Variants in DSC1 observed in about 807,000 individuals in gnomAD.
DSC1 encodes desmocollin 1.
In DSC1, 79 loss-of-function variants were observed where a neutral mutation model predicts 98.8. That is an observed-to-expected ratio of 0.80 (90% CI 0.67 to 0.96). DSC1 has a LOEUF of 0.96. Ranked by LOEUF, DSC1 falls within the 50% of genes least tolerant of loss-of-function variation. The pLI, the probability that DSC1 is intolerant of heterozygous loss-of-function variation, is 0.00. For missense variants in DSC1, 1,115 were observed against 1,075.9 expected (o/e 1.04, Z -0.51); for synonymous variants, 405 against 372.1 (o/e 1.09, Z -1.02).
At chr18:31,145,822 A>G in intron 6 of DSC1, 45 bp from the exon 7 acceptor site, 1 of 1,571,670 alleles carries the variant, frequency 6.4e-7, no homozygotes, top group Non-Finnish European at 8.6e-7. Context: ...TACTCATATA[A>G]TTGAATTATA....
Position 31,140,164 on chromosome 18 carries a change from A to G in DSC1, c.1398T>C (p.Asp466=). 2 of 1,614,064 alleles carry G rather than the reference A, an allele frequency of 1.2e-6. No homozygotes were observed. The highest frequency in any genetic ancestry group is 1.7e-6 in the Non-Finnish European group (2 of 1,179,958). Residue 466 remains aspartate, a synonymous_variant, in exon 10 of 16, where the codon GAT becomes GAC. Coordinates refer to ENST00000257198, the MANE Select transcript of DSC1 (RefSeq NM_024421.2). The stretch of plus-strand genomic sequence containing the variant: ...CTGGAGGGTGGCATTCAGGGCCCTC[A>G]TCACTGTCTATAATTTTAACGGTGA... ...TTVTVKIIDS[D]EGPECHPPVK...
intron 1 of DSC1, among the ~76,000 whole-genome samples, chr18:31,160,194 G>A (rs909730149): frequency 1.3e-4 from 19 of 151,834 alleles, no homozygotes; most frequent in Admixed American, 9.2e-4. Context: ...TAAAACCTAG[G>A]TAGTTCAAAG....
chr18:31,154,961 C>G (rs190503950), intron 4 of DSC1, 32 bp from the exon 5 acceptor site: 1 of 1,604,210 alleles, frequency 6.2e-7, no homozygotes, highest in Non-Finnish European at 8.5e-7. Flanking sequence ...AGAACAAATA[C>G]GTCATGATGA....
chr18:31,154,729 C>A, intron 5 of DSC1, 45 bp downstream of exon 5: 3 of 1,442,548 alleles, frequency 2.1e-6, no homozygotes, highest in Middle Eastern at 1.8e-4. Flanking sequence ...ATTAGTAAGC[C>A]AGTAATAAAG....
Position 31,155,614 on chromosome 18 carries a change from G to C in DSC1, c.471+429C>G, listed in dbSNP as rs146678125. 5.3e-3 allele frequency among the ~76,000 whole-genome samples: 812 copies of C among 152,254 alleles called. 6 individuals are homozygous for C. The highest frequency in any genetic ancestry group is 0.018 in the African/African-American group (767 of 41,548). On this transcript the variant is annotated intron_variant, in intron 4 of 15. Coordinates refer to ENST00000257198, the MANE Select transcript of DSC1 (RefSeq NM_024421.2). The stretch of plus-strand genomic sequence containing the variant: ...CACTATACTCCAAAATTTCAAAACT[G>C]TTCTATGTTTGCAATCCAGCTATGT...
chr18:31,130,860 G>A, intron 15 of DSC1, 149 bp from the exon 16 acceptor site: 1 of 1,601,506 alleles, frequency 6.2e-7, no homozygotes, highest in Non-Finnish European at 8.5e-7. Flanking sequence ...AAATGCACAG[G>A]ATTGGTCTGT....
At chr18:31,154,189 T>C (rs1422065086) in intron 5 of DSC1, among the ~76,000 whole-genome samples, 1 of 151,638 alleles carries the variant, frequency 6.6e-6, no homozygotes, top group Non-Finnish European at 1.5e-5. Context: ...TAGAATCAAA[T>C]GAATTGATAA....
rs958148735 is a variant in DSC1 at position 31,159,708 on chromosome 18, G to T, written c.64-179C>A. ...AGCAAAGAGAATAGCTTTAGGAATA[G>T]CACTGTCATTTATTTGTCAATGAAA... is the stretch of plus-strand genomic sequence containing the variant. On this transcript the variant is annotated intron_variant, in intron 1 of 15. Transcript: ENST00000257198. Among the ~76,000 whole-genome samples, 8 of 152,184 alleles carry T rather than the reference G, an allele frequency of 5.3e-5. No homozygotes were observed. In the East Asian group the frequency reaches 1.5e-3, roughly 29 times the overall value.
In DSC1 at chr18:31,131,832, A is replaced by G; in HGVS notation, c.2249T>C (p.Ile750Thr). The change falls in exon 15 of 16, where the codon ATT becomes ACT. Residue 750 changes from isoleucine (I) to threonine (T), a missense_variant. Ile to Thr is a moderately conservative substitution (Grantham distance 89, BLOSUM62 -1). Transcript: ENST00000257198. ...GTTGGATGTCTGCATGGGGAGTCTAATATTTGCTTCCTAAAAGTAAAGTGA... is the reference window on the plus strand; with the variant it reads ...GTTGGATGTCTGCATGGGGAGTCTAGTATTTGCTTCCTAAAAGTAAAGTGA... ...GPGEEVTEAN[I>T]RLPMQTSNIC... 1 of 1,613,906 alleles carries G rather than the reference A, an allele frequency of 6.2e-7. No homozygotes were observed. The highest frequency in any genetic ancestry group is 8.5e-7 in the Non-Finnish European group (1 of 1,179,854).
intron 5 of DSC1, among the ~76,000 whole-genome samples, chr18:31,151,420 CA>C (rs1276981315): frequency 2.0e-5 from 3 of 152,004 alleles, no homozygotes; most frequent in Admixed American, 6.6e-5. Flanking sequence ...GCAACAATTT[CA>C]AAAAACTCAA....
chr18:31,131,284 A>G (rs1415171515), intron 15 of DSC1, among the ~76,000 whole-genome samples: 2 of 152,236 alleles, frequency 1.3e-5, no homozygotes, highest in Admixed American at 6.5e-5. Context: ...TCATTCCTGT[A>G]TAATAAATAT....
chr18:31,136,099 A>T (rs1044608835), intron 11 of DSC1, among the ~76,000 whole-genome samples: 7 of 152,088 alleles, frequency 4.6e-5, no homozygotes, highest in Admixed American at 2.0e-4. Context: ...GAACAAATTT[A>T]AAAATATCCA....
chr18:31,158,440 G>A (rs537035933), intron 2 of DSC1, among the ~76,000 whole-genome samples: 20 of 152,260 alleles, frequency 1.3e-4, no homozygotes, highest in African/African-American at 4.8e-4. Flanking sequence ...TATTTACTAT[G>A]TGTCTTTAGA....
intron 5 of DSC1, among the ~76,000 whole-genome samples, chr18:31,150,314 AC>A (rs1988955755): frequency 3.1e-5 from 2 of 65,506 alleles, no homozygotes; most frequent in African/African-American, 5.2e-5. Flanking sequence ...CACCACCACT[AC>A]TACCATCATC....
intron 5 of DSC1, chr18:31,150,959 C>T (rs554766423): frequency 6.6e-6 from 1 of 152,234 alleles, no homozygotes; most frequent in East Asian, 1.9e-4. Context: ...CAAACTACGC[C>T]TTCAGTTATC....
At chr18:31,149,141 C>T (rs12608327) in intron 5 of DSC1, among the ~76,000 whole-genome samples, 35,635 of 152,034 alleles carry the variant, frequency 0.23, 4,694 homozygotes, top group East Asian at 0.56. Flanking sequence ...CATATACATA[C>T]CAGAAATTCC....
At chr18:31,151,637 T>C (rs1320473945) in intron 5 of DSC1, among the ~76,000 whole-genome samples, 1 of 152,184 alleles carries the variant, frequency 6.6e-6, no homozygotes, top group African/African-American at 2.4e-5. Flanking sequence ...ATCTCATCTC[T>C]TTTAGCCCTT....
intron 3 of DSC1, among the ~76,000 whole-genome samples, chr18:31,156,820 C>T (rs1989106974): frequency 6.6e-6 from 1 of 152,162 alleles, no homozygotes; most frequent in Non-Finnish European, 1.5e-5. Flanking sequence ...CTGATCTCTA[C>T]CGCTCAGTGC....
At position 31,132,627 on chromosome 18, in the gene DSC1, CT is replaced by C; in HGVS notation, c.2178del (p.Asp727ThrfsTer2). On this transcript the variant is annotated frameshift_variant, in exon 14 of 16. Coordinates refer to ENST00000257198, the MANE Select transcript of DSC1 (RefSeq NM_024421.2). LOFTEE classifies it high-confidence loss of function. Reference sequence around the variant, plus strand: ...ACAATTAAATTTTGCTGGGCTATGTCTTCTGGAAAACATTTCTTGACTGTTC... The same window carrying C: ...ACAATTAAATTTTGCTGGGCTATGTCTCTGGAAAACATTTCTTGACTGTTC... ...AKRTVKKCFP[E>X]DIAQQNLIVS... 1 of 1,613,536 alleles carries C rather than the reference CT, an allele frequency of 6.2e-7. No homozygotes were observed. The highest frequency in any genetic ancestry group is 8.5e-7 in the Non-Finnish European group (1 of 1,179,680).
Sources: gnomAD v4.1 joint callset for allele counts (sites outside exome capture counted in the v4.1 genomes callset) on GRCh38, gnomAD v4.1.1 for gene constraint, MANE v1.5 for transcripts, NCBI Gene and HGNC (gene_info 2026-07-23, HGNC 2026-07-21) for gene names.